ABCA10: variants seen among roughly 807,000 people sequenced by gnomAD.
The protein encoded by ABCA10 is ATP-binding cassette sub-family A member 10.
Under a neutral mutation model 187.5 loss-of-function variants are expected in ABCA10, and 169 were observed. The observed-to-expected ratio is 0.90, with a 90% CI of 0.80 to 1.02. The LOEUF (loss-of-function observed/expected upper bound fraction) is 1.02. Ranked by LOEUF, ABCA10 falls within the 50% of genes least tolerant of loss-of-function variation. The pLI is 0.00. For missense variants in ABCA10, 1,727 were observed against 1,812.4 expected, an observed-to-expected ratio of 0.95 and a Z score of 0.86; for synonymous variants, 574 against 601.8, an observed-to-expected ratio of 0.95 and a Z score of 0.68.
At chr17:69,196,343 C>T (rs1283767718) in intron 11 of ABCA10, 4 of 170,600 alleles carry the variant, frequency 2.3e-5, no homozygotes, top group South Asian at 1.2e-4. Flanking sequence ...GGGTGGCGGT[C>T]GGGCAGAGAC....
chr17:69,152,333 G>C, intron 35 of ABCA10, 29 bp downstream of exon 35: 1 of 1,604,972 alleles, frequency 6.2e-7, no homozygotes, highest in African/African-American at 1.3e-5. Flanking sequence ...GAACATGCTA[G>C]TCCCATGCTG....
Position 69,194,502 on chromosome 17 carries a change from T to C in ABCA10, c.1235-7A>G. On this transcript the variant is annotated splice_polypyrimidine_tract_variant and splice_region_variant and intron_variant, in intron 11 of 38. Transcript: ENST00000690296. ...TATATGTCAAAAAATATGCCTGTTT[T>C]AGAATAAAAAGTGGAAATTAGATTT... 1 of 1,589,476 alleles carries C rather than the reference T, an allele frequency of 6.3e-7. No homozygotes were observed. Among genetic ancestry groups the C allele is most frequent in the Non-Finnish European group, 8.6e-7 (1 of 1,166,264 alleles).
chr17:69,168,694 G>C (rs7225418), intron 25 of ABCA10, among the ~76,000 whole-genome samples: 14,227 of 152,228 alleles, frequency 0.093, 2,299 homozygotes, highest in African/African-American at 0.32. Flanking sequence ...TAATTCCCAT[G>C]TGTTGTGGAA....
chr17:69,165,078 T>A lies in ABCA10; in HGVS notation c.3168A>T (p.Leu1056Phe), dbSNP rs764812897. 1.9e-6 allele frequency: 3 copies of A among 1,554,340 alleles called. No homozygotes were observed. The Admixed American group carries it at 5.1e-5, about 26-fold the overall frequency. ...ATACCATAATTGTGGATACACATAT[T>A]AAGATCTAGAAAAAAATCCAGAAGT... ...GFWSFGFFIILICVSTIMVST... is the reference protein window; with the variant it reads ...GFWSFGFFIIFICVSTIMVST... Residue 1056 changes from leucine to phenylalanine, a missense_variant, in exon 26 of 39, where the codon TTA (leucine) becomes TTT (phenylalanine). Physicochemically the swap from Leu to Phe is conservative, Grantham distance 22. Coordinates refer to ENST00000690296, the MANE Select transcript of ABCA10 (RefSeq NM_001377321.1).
chr17:69,190,605 C>T, intron 17 of ABCA10, 128 bp from the exon 18 acceptor site: 2 of 812,464 alleles, frequency 2.5e-6, no homozygotes, highest in Non-Finnish European at 3.5e-6. Context: ...TCACAATAAT[C>T]CAAGGAAACC....
intron 1 of ABCA10, among the ~76,000 whole-genome samples, chr17:69,241,231 T>C (rs1272479885): frequency 3.9e-5 from 6 of 152,216 alleles, no homozygotes; most frequent in East Asian, 1.9e-4. Context: ...CCTTGTGTCA[T>C]TGACTCCCTT....
At chr17:69,170,251 G>A (rs2144774140) in intron 25 of ABCA10, among the ~76,000 whole-genome samples, 1 of 149,306 alleles carries the variant, frequency 6.7e-6, no homozygotes, top group East Asian at 2.0e-4. Context: ...TCGCCCCACT[G>A]CACTCCAGCC....
In ABCA10 at chr17:69,192,779, C is replaced by A. The variant is rs147206122; in HGVS notation, c.1781-126G>T. 40 of 823,534 alleles carry A rather than the reference C, an allele frequency of 4.9e-5. 1 individual carries two copies. In the African/African-American group the frequency reaches 6.5e-4, roughly 13 times the overall value. The allele number at this position is 823,534 out of a possible 1,614,324, so 51.0% of individuals were successfully genotyped here. A position where few individuals can be genotyped will look rare whatever the true frequency, so the allele number is the denominator to read the frequency against. ...TCAATACAACTGTAATATCATTAAGCCCCTGGGTGCAGTATCATTTCTAAT... is the reference window on the plus strand; with the variant it reads ...TCAATACAACTGTAATATCATTAAGACCCTGGGTGCAGTATCATTTCTAAT... On this transcript the variant is annotated intron_variant, in intron 15 of 38. Coordinates refer to ENST00000690296, the MANE Select transcript of ABCA10 (RefSeq NM_001377321.1).
intron 21 of ABCA10, 152 bp from the exon 22 acceptor site, chr17:69,182,442 G>A (rs2074387106): frequency 1.0e-6 from 1 of 957,940 alleles, no homozygotes; most frequent in Non-Finnish European, 1.4e-6. Context: ...GTACAAGAAT[G>A]CATTATTTTT....
At chr17:69,229,348 A>G (rs907867020), upstream of ABCA10, among the ~76,000 whole-genome samples, 14 of 152,014 alleles carry the variant, frequency 9.2e-5, no homozygotes. Flanking sequence ...ACTCTTAACT[A>G]CCACTATGAA....
intron 1 of ABCA10, among the ~76,000 whole-genome samples, chr17:69,227,798 G>A (rs985026187): frequency 3.3e-5 from 5 of 151,732 alleles, no homozygotes; most frequent in Admixed American, 6.6e-5. Flanking sequence ...AAAACATTAC[G>A]GCCATTCTTA....
At chr17:69,179,318 G>A (rs758081407) in intron 22 of ABCA10, among the ~76,000 whole-genome samples, 6 of 152,192 alleles carry the variant, frequency 3.9e-5, no homozygotes, top group Non-Finnish European at 8.8e-5. Context: ...TTGATGTCTG[G>A]AGGTAATATG....
intron 36 of ABCA10, 46 bp downstream of exon 36, chr17:69,151,997 C>T (rs756060300): frequency 6.3e-7 from 1 of 1,580,470 alleles, no homozygotes; most frequent in South Asian, 1.2e-5. Flanking sequence ...GATGCTAATA[C>T]TGGAAAACAC....
chr17:69,193,283 C>G, intron 14 of ABCA10, 35 bp from the exon 15 acceptor site: 1 of 1,603,172 alleles, frequency 6.2e-7, no homozygotes, highest in Non-Finnish European at 8.5e-7. Flanking sequence ...GCATCTTCCT[C>G]TTCACAGTGA....
intron 27 of ABCA10, among the ~76,000 whole-genome samples, chr17:69,158,474 C>A (rs183659711): frequency 0.011 from 1,634 of 150,426 alleles, 12 homozygotes; most frequent in Non-Finnish European, 0.015. Flanking sequence ...AATTTTATGG[C>A]AAATAAATAA....
chr17:69,196,175 G>A (rs959903041), intron 11 of ABCA10: 94 of 158,650 alleles, frequency 5.9e-4, no homozygotes, highest in Non-Finnish European at 9.9e-4. Context: ...TCCCGGACTG[G>A]GCGGCTGGCC....
intron 22 of ABCA10, among the ~76,000 whole-genome samples, chr17:69,179,877 G>A (rs2074365861): frequency 6.6e-6 from 1 of 152,108 alleles, no homozygotes. Context: ...TAAATGCAGG[G>A]TGAACTACAG....
intron 3 of ABCA10, among the ~76,000 whole-genome samples, chr17:69,224,404 T>C (rs998737021): frequency 6.6e-6 from 1 of 152,146 alleles, no homozygotes. Context: ...AGAAATTTGA[T>C]AGTAGGCTAA....
chr17:69,180,944 G>T (rs2074375825), intron 22 of ABCA10, among the ~76,000 whole-genome samples: 1 of 151,764 alleles, frequency 6.6e-6, no homozygotes, highest in African/African-American at 2.4e-5. Flanking sequence ...TGACAATTTA[G>T]AAAGAATAAC....
Sources: allele counts gnomAD v4.1 joint callset (sites outside exome capture counted in the v4.1 genomes callset), GRCh38; gene constraint gnomAD v4.1.1; transcripts MANE v1.5; gene names NCBI Gene and HGNC (gene_info 2026-07-23, HGNC 2026-07-21).